HEATR1: variants seen among roughly 807,000 people sequenced by gnomAD.
The protein encoded by HEATR1 is HEAT repeat containing 1, also known as HEAT repeat-containing protein 1.
Under a neutral mutation model 248.2 loss-of-function variants are expected in HEATR1, and 77 were observed. The ratio of observed to expected loss-of-function variants is 0.31; its 90% CI spans 0.26 to 0.37. The LOEUF (loss-of-function observed/expected upper bound fraction) is 0.37, where lower values mean the gene tolerates loss of function less well. Among genes scored for constraint, HEATR1 ranks in the 10% least tolerant of loss-of-function variants. The pLI is 1.00. For synonymous variants in HEATR1, 897 were observed against 923.1 expected (o/e 0.97, Z 0.51); for missense variants, 2,420 against 2,504.9 (o/e 0.97, Z 0.72).
intron 17 of HEATR1, 79 bp from the exon 18 acceptor site, chr1:236,583,275 T>A: frequency 1.6e-6 from 2 of 1,275,000 alleles, no homozygotes; most frequent in Non-Finnish European, 2.2e-6. Context: ...CTGCATAATA[T>A]GCAAAAGTTT....
At chr1:236,591,361 G>A (rs951355161) in intron 11 of HEATR1, among the ~76,000 whole-genome samples, 1 of 152,006 alleles carries the variant, frequency 6.6e-6, no homozygotes, top group Non-Finnish European at 1.5e-5. Context: ...GTTCACTTAC[G>A]CAATTAGACT....
At chr1:236,561,627 T>C (rs1279657571) in intron 32 of HEATR1, among the ~76,000 whole-genome samples, 3 of 152,188 alleles carry the variant, frequency 2.0e-5, no homozygotes, top group Non-Finnish European at 4.4e-5. Context: ...ATCCCCCAAG[T>C]ACTGCTCCTT....
At chr1:236,560,353 A>G (rs572064007) in intron 33 of HEATR1, among the ~76,000 whole-genome samples, 1 of 152,168 alleles carries the variant, frequency 6.6e-6, no homozygotes, top group African/African-American at 2.4e-5. Flanking sequence ...AAGACTACAA[A>G]CTTCAAATAA....
At chr1:236,584,869 G>A (rs904892606) in intron 17 of HEATR1, among the ~76,000 whole-genome samples, 156 bp downstream of exon 17, 18 of 152,140 alleles carry the variant, frequency 1.2e-4, no homozygotes, top group African/African-American at 4.3e-4. Context: ...GTGCCTAGTT[G>A]ACTATCTCAC....
intron 44 of HEATR1, chr1:236,551,792 T>A: frequency 1.9e-6 from 1 of 525,548 alleles, no homozygotes; most frequent in Non-Finnish European, 3.4e-6. Flanking sequence ...GATCAGGAGG[T>A]GGTCACTTCG....
chr1:236,585,826 T>C lies in HEATR1; in HGVS notation c.2043A>G (p.Leu681=). The change falls in exon 16 of 45, where the codon TTA becomes TTG. Residue 681 remains leucine (L), a synonymous_variant. Transcript: ENST00000366582. ...ACTTTCAAAGCATACTTACCATCTT[T>C]AACATTGAAGAAGGATCTCCTAAAT... ...NINLGDPSSM[L]KMVEDLISVG... is the part of the protein sequence containing the mutation. 6.2e-7 allele frequency: 1 copy of C among 1,612,550 alleles called. No individual in the cohort carries two copies. Among genetic ancestry groups the C allele is most frequent in the Non-Finnish European group, 8.5e-7 (1 of 1,178,846 alleles).
At chr1:236,560,267 C>T (rs1415548828) in intron 33 of HEATR1, among the ~76,000 whole-genome samples, 1 of 152,006 alleles carries the variant, frequency 6.6e-6, no homozygotes, top group Non-Finnish European at 1.5e-5. Context: ...CACCATACAC[C>T]ATTTATATAA....
intron 5 of HEATR1, among the ~76,000 whole-genome samples, chr1:236,597,348 G>A (rs1664204690): frequency 1.3e-5 from 2 of 151,106 alleles, no homozygotes; most frequent in African/African-American, 4.9e-5. Flanking sequence ...CGCCTCCCAG[G>A]TTCAAGCGAT....
chr1:236,583,297 G>T, intron 17 of HEATR1, 101 bp from the exon 18 acceptor site: 2 of 982,386 alleles, frequency 2.0e-6, no homozygotes, highest in Non-Finnish European at 3.0e-6. Flanking sequence ...GTTTATGTGT[G>T]CATTTTGGTG....
At chr1:236,594,820 T>G (rs910738947) in intron 8 of HEATR1, among the ~76,000 whole-genome samples, 1 of 152,046 alleles carries the variant, frequency 6.6e-6, no homozygotes, top group East Asian at 1.9e-4. Flanking sequence ...ATTTTTGAGA[T>G]AGGGTCTCAC....
At position 236,565,976 on chromosome 1, in the gene HEATR1, T is replaced by C; in HGVS notation, c.4378A>G (p.Ile1460Val). Reference sequence around the variant, plus strand: ...TGGAGGATATTCATCAAGCTTTGTATCTGATGCTGGACACTAAACTCACAA... The same window carrying C: ...TGGAGGATATTCATCAAGCTTTGTACCTGATGCTGGACACTAAACTCACAA... ...VCCEFSVQHQ[I>V]QSLMNILQYL... Residue 1460 changes from isoleucine (I) to valine (V), a missense_variant, in exon 31 of 45, where the codon ATA becomes GTA. Ile to Val is a conservative substitution (Grantham distance 29). Transcript: ENST00000366582. The C allele has an allele frequency of 6.2e-7, 1 of 1,613,980 alleles. No individual in the cohort carries two copies. The highest frequency in any genetic ancestry group is 8.5e-7 in the Non-Finnish European group (1 of 1,179,896).
chr1:236,572,908 G>GGA (rs1663466214), intron 24 of HEATR1, 80 bp from the exon 25 acceptor site: 11 of 1,261,926 alleles, frequency 8.7e-6, no homozygotes, highest in Non-Finnish European at 1.1e-5. Context: ...CCCCTAGGAA[G>GGA]GATTTATTCA....
chr1:236,558,845 G>T, intron 35 of HEATR1, 150 bp downstream of exon 35: 1 of 737,936 alleles, frequency 1.4e-6, no homozygotes, highest in Admixed American at 3.1e-5. Flanking sequence ...TAGAATTAAC[G>T]TCACATTTTA....
In HEATR1 at chr1:236,595,900, T is replaced by C. The variant is rs1371264176; in HGVS notation, c.889A>G (p.Ile297Val). 2 of 1,614,112 alleles carry C rather than the reference T, an allele frequency of 1.2e-6. No homozygotes were observed. Among genetic ancestry groups the C allele is most frequent in the Non-Finnish European group, 1.7e-6 (2 of 1,179,942 alleles). The change falls in exon 7 of 45, where the codon ATC becomes GTC. Residue 297 changes from isoleucine to valine, a missense_variant. Physicochemically the swap from Ile to Val is conservative, Grantham distance 29. Transcript: ENST00000366582. ...IKTLTKIPSL[I>V]KDGLSCLIVL... Reference sequence around the variant, plus strand: ...ATCAAGCAACTTAACCCATCCTTGATCAAAGAGGGAATCTTGGTCAATGTT... The same window carrying C: ...ATCAAGCAACTTAACCCATCCTTGACCAAAGAGGGAATCTTGGTCAATGTT...
At position 236,592,623 on chromosome 1, in the gene HEATR1, C is replaced by T. The variant is rs1157119919; in HGVS notation, c.1204G>A (p.Glu402Lys). 1.5e-6 allele frequency: 2 copies of T among 1,314,772 alleles called. No individual in the cohort carries two copies. Among genetic ancestry groups the T allele is most frequent in the African/African-American group, 1.5e-5 (1 of 65,242 alleles). The allele number at this position is 1,314,772 out of a possible 1,614,324, so 81.4% of individuals were successfully genotyped here. ...LDHLLASLLF[E>K]EYISYSSQEE... Reference sequence around the variant, plus strand: ...TGTGAACTATATGAAATATACTCTTCAAATAGAAGGCTGTAAAAAAAAAAA... The same window carrying T: ...TGTGAACTATATGAAATATACTCTTTAAATAGAAGGCTGTAAAAAAAAAAA... Residue 402 changes from glutamate (E) to lysine (K), a missense_variant, in exon 10 of 45, where the codon GAA becomes AAA. Transcript: ENST00000366582.
At position 236,599,968 on chromosome 1, in the gene HEATR1, C is replaced by T. The variant is rs183788520; in HGVS notation, c.360-344G>A. ...AGTGCAGTGGCACGATCACGGGTCA[C>T]TGCAGCCTCAACCTCCCAGGCTCAA... On this transcript the variant is annotated intron_variant, in intron 3 of 44. Coordinates refer to ENST00000366582, the MANE Select transcript of HEATR1 (RefSeq NM_018072.6). 9.9e-5 allele frequency among the ~76,000 whole-genome samples: 15 copies of T among 152,196 alleles called. No homozygotes were observed. The East Asian group carries it at 2.1e-3, about 22-fold the overall frequency.
chr1:236,551,183 T>C (rs1443162530), intron 44 of HEATR1, 193 bp from the exon 45 acceptor site: 3 of 545,938 alleles, frequency 5.5e-6, no homozygotes, highest in Non-Finnish European at 9.6e-6. Context: ...CTTCATTCCT[T>C]GCCCACAGGC....
intron 19 of HEATR1, among the ~76,000 whole-genome samples, chr1:236,582,137 C>T (rs1437298190): frequency 6.6e-6 from 1 of 152,130 alleles, no homozygotes; most frequent in Non-Finnish European, 1.5e-5. Context: ...TGGAGTCTCG[C>T]TCTGTCGCCC....
intron 42 of HEATR1, among the ~76,000 whole-genome samples, chr1:236,554,316 C>T (rs891166762): frequency 1.4e-4 from 22 of 152,044 alleles, no homozygotes; most frequent in African/African-American, 2.9e-4. Context: ...TGCTTGAAAC[C>T]GGGAGGTGGA....
Sources: gnomAD v4.1 joint callset for allele counts (sites outside exome capture counted in the v4.1 genomes callset) on GRCh38, gnomAD v4.1.1 for gene constraint, MANE v1.5 for transcripts, NCBI Gene and HGNC (gene_info 2026-07-23, HGNC 2026-07-21) for gene names.